KCNQ5: variants seen among roughly 807,000 people sequenced by gnomAD.
KCNQ5 encodes the protein potassium voltage-gated channel subfamily KQT member 5.
In KCNQ5, 30 loss-of-function variants were observed where a neutral mutation model predicts 98.2. The ratio of observed to expected loss-of-function variants is 0.31; its 90% CI spans 0.23 to 0.41. The LOEUF (loss-of-function observed/expected upper bound fraction) is 0.41, where lower values mean the gene tolerates loss of function less well. Among genes scored for constraint, KCNQ5 ranks in the 10% least tolerant of loss-of-function variants. The probability of loss-of-function intolerance (pLI) is 1.00; values close to 1 mark genes in which losing one functional copy is unlikely to be tolerated. For missense variants in KCNQ5, 835 were observed against 1,182.5 expected (o/e 0.71, Z 4.31); for synonymous variants, 458 against 449.4 (o/e 1.02, Z -0.24).
rs143496547 is a variant in KCNQ5 at position 73,195,332 on chromosome 6, G to A, written c.2717G>A (p.Gly906Glu). The change falls in exon 14 of 14, where the codon GGA becomes GAA. Residue 906 changes from glycine (G) to glutamate (E), a missense_variant. Gly to Glu is a moderately conservative substitution (Grantham distance 98). Transcript: ENST00000370398. Reference sequence around the variant, plus strand: ...TTTGCATCAGACTCTCTAAGGACTGGAAGGTCACGATCATCTCAGAGCATT... The same window carrying A: ...TTTGCATCAGACTCTCTAAGGACTGAAAGGTCACGATCATCTCAGAGCATT... ...AAFASDSLRT[G>E]RSRSSQSICK... The A allele has an allele frequency of 2.5e-6, 4 of 1,614,076 alleles. No homozygotes were observed. In the African/African-American group the frequency reaches 4.0e-5, roughly 16 times the overall value.
rs756769391 is a variant in KCNQ5 at position 73,195,267 on chromosome 6, C to A, written c.2652C>A (p.Asp884Glu). The A allele has an allele frequency of 9.9e-6, 16 of 1,614,078 alleles. No homozygotes were observed. Among genetic ancestry groups the A allele is most frequent in the Middle Eastern group, 1.6e-4 (1 of 6,084 alleles). The change falls in exon 14 of 14, where the codon GAC becomes GAA. Residue 884 changes from aspartate to glutamate, a missense_variant. Asp to Glu is a conservative substitution (Grantham distance 45). This residue lies in a region of KCNQ5 where 416 missense variants were observed against 446.9 expected (regional missense o/e 0.93). Coordinates refer to ENST00000370398, the MANE Select transcript of KCNQ5 (RefSeq NM_019842.4). ...TGGGTCCCGAAGAGACAGAGACAGA[C>A]ACTTTTGATGCCGCACCGCAGCCTG... ...EEVGPEETET[D>E]TFDAAPQPAR...
chr6:72,852,640 A>AATATATATATAT (rs140435793), intron 1 of KCNQ5, among the ~76,000 whole-genome samples: 726 of 56,734 alleles, frequency 0.013, 99 homozygotes, highest in Non-Finnish European at 0.017. Context: ...ATGAAGGGGA[A>AATATATATATAT]ATATATATAT....
intron 1 of KCNQ5, among the ~76,000 whole-genome samples, chr6:72,665,546 G>A (rs572211442): frequency 2.6e-5 from 4 of 152,210 alleles, no homozygotes; most frequent in East Asian, 1.9e-4. Context: ...GATTATTCAC[G>A]TTATAGATTG....
chr6:72,757,556 T>C (rs1030755974), intron 1 of KCNQ5, among the ~76,000 whole-genome samples: 2 of 152,164 alleles, frequency 1.3e-5, no homozygotes, highest in African/African-American at 4.8e-5. Context: ...TATTTTACAA[T>C]AAAATGTTAA....
intron 3 of KCNQ5, among the ~76,000 whole-genome samples, chr6:73,074,956 T>A (rs898894622): frequency 6.6e-6 from 1 of 152,142 alleles, no homozygotes; most frequent in African/African-American, 2.4e-5. Context: ...AAAAGCAAAA[T>A]GTATGTCCAA....
intron 3 of KCNQ5, among the ~76,000 whole-genome samples, chr6:73,063,690 A>AGATAGATAGATAGATAGATAGAT (rs1562156063): frequency 5.0e-5 from 4 of 80,334 alleles, no homozygotes; most frequent in African/African-American, 1.1e-4. Flanking sequence ...GATAGATGAT[A>AGATAGATAGATAGATAGATAGAT]GATAGATAGA....
intron 1 of KCNQ5, among the ~76,000 whole-genome samples, chr6:72,692,642 T>C (rs917003116): frequency 6.6e-6 from 1 of 152,212 alleles, no homozygotes; most frequent in African/African-American, 2.4e-5. Context: ...GAATGGGCTC[T>C]GCAGGAAAAG....
chr6:72,658,887 A>T (rs1268703165), intron 1 of KCNQ5, among the ~76,000 whole-genome samples: 1 of 152,078 alleles, frequency 6.6e-6, no homozygotes, highest in Non-Finnish European at 1.5e-5. Context: ...GCCTACCCAA[A>T]TATATTTCAT....
intron 6 of KCNQ5, among the ~76,000 whole-genome samples, chr6:73,110,816 T>A (rs765169249): frequency 2.6e-5 from 4 of 152,092 alleles, no homozygotes; most frequent in African/African-American, 4.8e-5. Context: ...ACTTTCAGAG[T>A]CTCATCAAAG....
intron 2 of KCNQ5, among the ~76,000 whole-genome samples, chr6:73,008,727 A>T (rs542557695): frequency 1.1e-3 from 166 of 152,298 alleles, no homozygotes; most frequent in African/African-American, 3.9e-3. Flanking sequence ...AAGTAAGAAA[A>T]CAGAAGACTT....
chr6:72,979,365 T>C (rs1768318759), intron 1 of KCNQ5, among the ~76,000 whole-genome samples: 2 of 152,242 alleles, frequency 1.3e-5, no homozygotes, highest in Non-Finnish European at 2.9e-5. Flanking sequence ...ATGATCTCCA[T>C]TCTAACTGGT....
intron 1 of KCNQ5, among the ~76,000 whole-genome samples, chr6:72,855,949 C>T (rs1005198511): frequency 6.6e-6 from 1 of 152,156 alleles, no homozygotes; most frequent in African/African-American, 2.4e-5. Context: ...CATTGTAATT[C>T]ACATCCATAC....
At chr6:72,769,171 A>G (rs1038191492) in intron 1 of KCNQ5, among the ~76,000 whole-genome samples, 1 of 152,138 alleles carries the variant, frequency 6.6e-6, no homozygotes, top group Non-Finnish European at 1.5e-5. Flanking sequence ...AAACAGAAAT[A>G]TCATGCCATA....
intron 1 of KCNQ5, among the ~76,000 whole-genome samples, chr6:72,924,006 T>G (rs1780517557): frequency 6.6e-6 from 1 of 152,236 alleles, no homozygotes; most frequent in African/African-American, 2.4e-5. Flanking sequence ...AATAATTCAA[T>G]CATAGTTTAC....
chr6:72,693,665 A>T (rs1768330843), intron 1 of KCNQ5, among the ~76,000 whole-genome samples: 2 of 152,152 alleles, frequency 1.3e-5, no homozygotes, highest in Admixed American at 1.3e-4. Context: ...ATAGGTCAAA[A>T]CTCCACCTAA....
intron 1 of KCNQ5, among the ~76,000 whole-genome samples, chr6:72,954,743 T>C (rs1189220748): frequency 6.6e-6 from 1 of 152,176 alleles, no homozygotes; most frequent in Non-Finnish European, 1.5e-5. Flanking sequence ...CAAACAGACT[T>C]GGCAGAATAA....
rs1384425013 is a variant in KCNQ5 at position 72,658,604 on chromosome 6, A to G, written c.398+36017A>G. 2.7e-3 allele frequency among the ~76,000 whole-genome samples: 218 copies of G among 79,690 alleles called. No individual in the cohort carries two copies. In the Middle Eastern group the frequency reaches 0.047, roughly 17 times the overall value. The allele number at this position is 79,690 out of a possible 152,430, so 52.3% of individuals were successfully genotyped here. ...TTTTTTTTTTTTTTTTTTTTGAGAC[A>G]GGGTCTTGCTCTGTCAGCCAGGCTG... On this transcript the variant is annotated intron_variant, in intron 1 of 13. Transcript: ENST00000370398.
chr6:73,154,804 T>G (rs1045432328), intron 10 of KCNQ5, among the ~76,000 whole-genome samples: 4 of 152,208 alleles, frequency 2.6e-5, no homozygotes, highest in Non-Finnish European at 4.4e-5. Context: ...ATTTAAAATG[T>G]TTATAAAAAG....
intron 1 of KCNQ5, among the ~76,000 whole-genome samples, chr6:72,881,986 C>T (rs568630512): frequency 4.9e-4 from 74 of 152,246 alleles, no homozygotes; most frequent in Non-Finnish European, 9.0e-4. Context: ...CCACCACACC[C>T]GGCTGTATGT....
Sources: allele counts gnomAD v4.1 joint callset (sites outside exome capture counted in the v4.1 genomes callset), GRCh38; gene constraint gnomAD v4.1.1; regional missense constraint gnomAD v4.1.1; transcripts MANE v1.5; gene names NCBI Gene and HGNC (gene_info 2026-07-23, HGNC 2026-07-21).